Variants in ITGAE observed in about 807,000 individuals in gnomAD.
ITGAE encodes integrin alpha-E.
A neutral mutation model predicts 136.5 loss-of-function variants in ITGAE; 99 were observed. The ratio of observed to expected loss-of-function variants is 0.73; its 90% CI spans 0.62 to 0.86. The LOEUF is 0.86. Ranked by LOEUF, ITGAE falls within the 40% of genes least tolerant of loss-of-function variation. The pLI is 0.00. For synonymous variants in ITGAE, 613 were observed against 591.8 expected (o/e 1.04, Z -0.52); for missense variants, 1,447 against 1,515.3 (o/e 0.95, Z 0.75).
chr17:3,743,795 C>T lies in ITGAE; in HGVS notation c.2320-178G>A, dbSNP rs557804550. 6.7e-5 allele frequency among the ~76,000 whole-genome samples: 10 copies of T among 149,982 alleles called. 1 individual carries two copies. Among genetic ancestry groups the T allele is most frequent in the South Asian group, 4.2e-4 (2 of 4,752 alleles). ...TCGGCTCACTGCAACCTCCGCCTCC[C>T]GGGTTCAAGCGATTCTCCTACCTCA... On this transcript the variant is annotated intron_variant, in intron 18 of 30. Transcript: ENST00000263087.
At position 3,743,586 on chromosome 17, in the gene ITGAE, C is replaced by T. The variant is rs2051637395; in HGVS notation, c.2351G>A (p.Ser784Asn). 1 of 1,613,214 alleles carries T rather than the reference C, an allele frequency of 6.2e-7. No homozygotes were observed. Among genetic ancestry groups the T allele is most frequent in the Non-Finnish European group, 8.5e-7 (1 of 1,179,754 alleles). ...LCEEDCFSNASVKVSYQLQTP... is the reference protein window; with the variant it reads ...LCEEDCFSNANVKVSYQLQTP... ...CTGGAGCTGGTAGCTGACTTTGACA[C>T]TGGCATTGGAGAAGCAGTCCTCCTC... The change falls in exon 19 of 31, where the codon AGT (serine) becomes AAT (asparagine). Residue 784 changes from serine (S) to asparagine (N), a missense_variant. Physicochemically the swap from Ser to Asn is conservative, Grantham distance 46. Around this residue, in one of 3 missense-constraint regions of ITGAE, gnomAD observed 1,031 missense variants for 1,011.4 expected, o/e 1.02. Transcript: ENST00000263087.
chr17:3,764,340 C>T (rs935393818), intron 2 of ITGAE, among the ~76,000 whole-genome samples: 1 of 152,230 alleles, frequency 6.6e-6, no homozygotes, highest in African/African-American at 2.4e-5. Context: ...GGGGCCTGCC[C>T]TGCCTGGCCT....
rs144504548 is a variant in ITGAE at position 3,724,913 on chromosome 17, G to C, written c.3085-1169C>G. On this transcript the variant is annotated intron_variant, in intron 26 of 30. Coordinates refer to ENST00000263087, the MANE Select transcript of ITGAE (RefSeq NM_002208.5). ...TTCCCAAGGGCCGCATTGTGCCAAG[G>C]GGAATAGACAGGCTGGAGAGAACTA... 3.1e-4 allele frequency: 495 copies of C among 1,613,528 alleles called. 1 individual carries two copies. The highest frequency in any genetic ancestry group is 3.7e-4 in the Non-Finnish European group (437 of 1,179,846).
chr17:3,738,431 A>C (rs2051509966), intron 20 of ITGAE, among the ~76,000 whole-genome samples: 1 of 152,090 alleles, frequency 6.6e-6, no homozygotes, highest in South Asian at 2.1e-4. Flanking sequence ...TGCCTCCCAA[A>C]GTGCTGGGAT....
chr17:3,789,706 G>T (rs1050264804), intron 1 of ITGAE, among the ~76,000 whole-genome samples: 47 of 152,122 alleles, frequency 3.1e-4, no homozygotes, highest in Non-Finnish European at 1.8e-4. Flanking sequence ...TCACTCTGTT[G>T]GCCAGGCTGG....
At chr17:3,735,447 G>A (rs772351757) in intron 20 of ITGAE, among the ~76,000 whole-genome samples, 2 of 152,208 alleles carry the variant, frequency 1.3e-5, no homozygotes, top group Admixed American at 6.5e-5. Flanking sequence ...GATTACAGGC[G>A]TGAGCCACCC....
chr17:3,793,026 G>A (rs1319319389), intron 1 of ITGAE, among the ~76,000 whole-genome samples: 4 of 152,008 alleles, frequency 2.6e-5, no homozygotes, highest in Non-Finnish European at 5.9e-5. Context: ...TTGTTTGGGG[G>A]TAATGGATCC....
intron 26 of ITGAE, chr17:3,726,161 G>T (rs1241145441): frequency 6.2e-7 from 1 of 1,614,006 alleles, no homozygotes; most frequent in Admixed American, 1.7e-5. Flanking sequence ...ATAGTAATGT[G>T]CTCTGGTTAC....
chr17:3,754,042 G>T, intron 12 of ITGAE, 117 bp from the exon 13 acceptor site: 1 of 1,139,366 alleles, frequency 8.8e-7, no homozygotes, highest in Non-Finnish European at 1.2e-6. Context: ...GGGCAAAATA[G>T]GAGAGACTGT....
intron 1 of ITGAE, among the ~76,000 whole-genome samples, chr17:3,778,328 C>T (rs1212547431): frequency 6.6e-6 from 1 of 152,090 alleles, no homozygotes; most frequent in Admixed American, 6.6e-5. Flanking sequence ...TTTGGGAGGC[C>T]GAGGCGGCTG....
intron 30 of ITGAE, 61 bp downstream of exon 30, chr17:3,716,627 G>A (rs1461633981): frequency 9.6e-7 from 1 of 1,046,280 alleles, no homozygotes; most frequent in Non-Finnish European, 1.5e-6. Flanking sequence ...GTCCTAAGGA[G>A]TTCTGTGCCC....
At chr17:3,724,698 G>C in intron 26 of ITGAE, 2 of 1,614,194 alleles carry the variant, frequency 1.2e-6, no homozygotes, top group Non-Finnish European at 1.7e-6. Flanking sequence ...AGGAACCCCT[G>C]AGGATTCTGA....
At chr17:3,786,004 G>A (rs1430344650) in intron 1 of ITGAE, among the ~76,000 whole-genome samples, 2 of 151,484 alleles carry the variant, frequency 1.3e-5, no homozygotes, top group South Asian at 2.1e-4. Flanking sequence ...CGTCTCTACT[G>A]AAAATACAAA....
chr17:3,745,656 T>C, intron 18 of ITGAE, 108 bp downstream of exon 18: 1 of 1,118,976 alleles, frequency 8.9e-7, no homozygotes, highest in Non-Finnish European at 1.3e-6. Flanking sequence ...ATGATTATTT[T>C]AATCACCTCA....
chr17:3,750,640 G>A (rs1268032049), intron 15 of ITGAE, among the ~76,000 whole-genome samples, 158 bp from the exon 16 acceptor site: 1 of 152,198 alleles, frequency 6.6e-6, no homozygotes, highest in Non-Finnish European at 1.5e-5. Context: ...TTTCCCAGAG[G>A]AAGTGGCATT....
chr17:3,757,210 A>T (rs1394153729), intron 9 of ITGAE, 76 bp from the exon 10 acceptor site: 9 of 1,531,966 alleles, frequency 5.9e-6, no homozygotes, highest in Non-Finnish European at 8.0e-6. Flanking sequence ...GAGCCCCTCC[A>T]TCTGGCCTCT....
rs1326520752 is a variant in ITGAE at position 3,798,595 on chromosome 17, C to T, written c.34+2516G>A. Among the ~76,000 whole-genome samples the T allele has an allele frequency of 3.3e-5, 5 of 152,214 alleles. No homozygotes were observed. Among genetic ancestry groups the T allele is most frequent in the Non-Finnish European group, 5.9e-5 (4 of 68,036 alleles). ...CCCCAAGGACTGAGGTTTTCTATCA[C>T]GCACAGGCCCGGGGTGATGCCCCGG... On this transcript the variant is annotated intron_variant, in intron 1 of 30. Transcript: ENST00000263087. This position sits in a 1 kb window ranked among gnomAD's most constrained non-coding sequence, Gnocchi z 4.3.
intron 20 of ITGAE, among the ~76,000 whole-genome samples, chr17:3,737,016 G>C (rs149918920): frequency 1.2e-3 from 176 of 152,182 alleles, no homozygotes; most frequent in African/African-American, 4.0e-3. Flanking sequence ...GTGGATGCCT[G>C]GACACGGTGG....
At chr17:3,723,478 G>A (rs765758112) in intron 27 of ITGAE, 95 bp from the exon 28 acceptor site, 25 of 1,060,634 alleles carry the variant, frequency 2.4e-5, no homozygotes, top group Non-Finnish European at 3.4e-5. Context: ...TAAGGTCCCA[G>A]AATAGAGGGT....
Sources: allele counts gnomAD v4.1 joint callset (sites outside exome capture counted in the v4.1 genomes callset), GRCh38; gene constraint gnomAD v4.1.1; regional missense constraint gnomAD v4.1.1; non-coding constraint Gnocchi (gnomAD v3.1); transcripts MANE v1.5; gene names NCBI Gene and HGNC (gene_info 2026-07-23, HGNC 2026-07-21).